The following CBLB variants were observed in gnomAD, a reference collection of about 807,000 sequenced individuals.
CBLB encodes the protein E3 ubiquitin-protein ligase CBL-B.
In CBLB, 31 loss-of-function variants were observed where a neutral mutation model predicts 104.9. The observed-to-expected ratio is 0.30, with a 90% CI of 0.22 to 0.40. The LOEUF (loss-of-function observed/expected upper bound fraction) is 0.40. Ranked by LOEUF, CBLB falls within the 10% of genes least tolerant of loss-of-function variation. The pLI is 1.00. For missense variants in CBLB, 1,062 were observed against 1,214.6 expected, an observed-to-expected ratio of 0.87 and a Z score of 1.87; for synonymous variants, 440 against 422.6, an observed-to-expected ratio of 1.04 and a Z score of -0.51.
intron 18 of CBLB, among the ~76,000 whole-genome samples, chr3:105,663,249 A>G (rs1376342688): frequency 6.6e-6 from 1 of 152,212 alleles, no homozygotes; most frequent in Non-Finnish European, 1.5e-5. Context: ...AGACTGAACT[A>G]AGGGAAGAAC....
intron 4 of CBLB, among the ~76,000 whole-genome samples, chr3:105,758,327 T>C (rs950573514): frequency 3.3e-5 from 5 of 152,222 alleles, no homozygotes; most frequent in African/African-American, 1.2e-4. Context: ...CTCTTCCTTA[T>C]ACATGAAAAT....
chr3:105,715,200 C>T (rs1366353539), intron 10 of CBLB, among the ~76,000 whole-genome samples: 4 of 152,120 alleles, frequency 2.6e-5, no homozygotes, highest in Admixed American at 1.3e-4. Context: ...GTGATCTTAC[C>T]AGTCACATCC....
At chr3:105,836,798 C>T (rs756098269) in intron 3 of CBLB, among the ~76,000 whole-genome samples, 5 of 151,982 alleles carry the variant, frequency 3.3e-5, no homozygotes, top group African/African-American at 4.8e-5. Flanking sequence ...GGGGGCGCAA[C>T]GATAATACAC....
In CBLB at chr3:105,658,911, T is replaced by C. The variant is rs866713269; in HGVS notation, c.*59A>G. ...TTGAATTCCATCTCAGTTCTCTTTATTTCCACACTCTTGGAATACATCGAT... is the reference window on the plus strand; with the variant it reads ...TTGAATTCCATCTCAGTTCTCTTTACTTCCACACTCTTGGAATACATCGAT... On this transcript the variant is annotated 3_prime_UTR_variant, in exon 19 of 19. Transcript: ENST00000394030. The C allele has an allele frequency of 1.9e-6, 3 of 1,576,812 alleles. No individual in the cohort carries two copies. The highest frequency in any genetic ancestry group is 2.0e-4 in the Middle Eastern group (1 of 4,958).
At chr3:105,858,405 G>C (rs540605381) in intron 2 of CBLB, among the ~76,000 whole-genome samples, 8 of 152,274 alleles carry the variant, frequency 5.3e-5, no homozygotes, top group African/African-American at 1.9e-4. Context: ...TCTAAAGGCA[G>C]TATATTAGAG....
chr3:105,755,544 T>C (rs969438972), intron 4 of CBLB, among the ~76,000 whole-genome samples: 31 of 150,626 alleles, frequency 2.1e-4, no homozygotes, highest in Non-Finnish European at 4.4e-4. Flanking sequence ...AAACCACTAG[T>C]TCATAAAAGG....
At chr3:105,817,367 T>G in intron 3 of CBLB, among the ~76,000 whole-genome samples, 1 of 152,062 alleles carries the variant, frequency 6.6e-6, no homozygotes, top group South Asian at 2.1e-4. Context: ...GAGGAGATTC[T>G]AGGACTTGGG....
chr3:105,692,773 C>T (rs6770103), intron 13 of CBLB, among the ~76,000 whole-genome samples: 150,730 of 151,260 alleles, frequency 1, 75,104 homozygotes, highest in East Asian at 1. Flanking sequence ...CAAAATATAC[C>T]GGAGGAAAGG....
At chr3:105,816,786 T>C (rs1365857967) in intron 3 of CBLB, among the ~76,000 whole-genome samples, 2 of 152,172 alleles carry the variant, frequency 1.3e-5, no homozygotes, top group African/African-American at 4.8e-5. Context: ...CACCAAAATA[T>C]GGGCCCAGCA....
At chr3:105,721,186 G>A (rs879797315) in intron 9 of CBLB, among the ~76,000 whole-genome samples, 1 of 152,132 alleles carries the variant, frequency 6.6e-6, no homozygotes, top group Non-Finnish European at 1.5e-5. Flanking sequence ...ATTACTTTAA[G>A]GGAGAAATGG....
chr3:105,777,644 A>G (rs2079642459), intron 3 of CBLB, among the ~76,000 whole-genome samples: 1 of 152,180 alleles, frequency 6.6e-6, no homozygotes, highest in African/African-American at 2.4e-5. Flanking sequence ...GAAAGAGAAA[A>G]GAAATAAATG....
intron 12 of CBLB, among the ~76,000 whole-genome samples, chr3:105,694,396 G>A (rs2068081293): frequency 6.6e-6 from 1 of 151,868 alleles, no homozygotes; most frequent in African/African-American, 2.4e-5. Context: ...AGAAAAAATT[G>A]AACACATTTT....
chr3:105,761,367 T>A (rs1378856083), intron 4 of CBLB, among the ~76,000 whole-genome samples: 1 of 152,224 alleles, frequency 6.6e-6, no homozygotes, highest in Admixed American at 6.5e-5. Context: ...ATGGTTTGGC[T>A]GTTTCCCCAC....
chr3:105,773,127 G>T (rs1000970052), intron 4 of CBLB, among the ~76,000 whole-genome samples: 1 of 152,150 alleles, frequency 6.6e-6, no homozygotes, highest in Non-Finnish European at 1.5e-5. Flanking sequence ...CAATGATATG[G>T]AACCAACCTA....
In CBLB at chr3:105,702,476, G is replaced by GAAAAAAAAAAAAGAA. The variant is rs2069320728; in HGVS notation, c.1594-18_1594-17insTTCTTTTTTTTTTTT. On this transcript the variant is annotated splice_polypyrimidine_tract_variant and intron_variant, in intron 11 of 18. Coordinates refer to ENST00000394030, the MANE Select transcript of CBLB (RefSeq NM_170662.5). ...AGGAGAAGACTAAAGAAACAGAAGA[G>GAAAAAAAAAAAAGAA]AAAAAAAAAAAAAAAAAAAAAAACT... 4.3e-6 allele frequency: 1 copy of GAAAAAAAAAAAAGAA among 234,370 alleles called. No homozygotes were observed. The highest frequency in any genetic ancestry group is 6.1e-6 in the Non-Finnish European group (1 of 163,138). 14.5% of individuals were successfully genotyped at this position (234,370 alleles called of 1,614,324 possible). A position where few individuals can be genotyped will look rare whatever the true frequency, so the allele number is the denominator to read the frequency against.
intron 4 of CBLB, among the ~76,000 whole-genome samples, chr3:105,767,512 T>G (rs1251471161): frequency 6.6e-6 from 1 of 151,694 alleles, no homozygotes; most frequent in Non-Finnish European, 1.5e-5. Context: ...CAATTCTACC[T>G]TCATCTCGGG....
chr3:105,720,681 G>A (rs2072682091), intron 9 of CBLB, among the ~76,000 whole-genome samples: 1 of 152,262 alleles, frequency 6.6e-6, no homozygotes, highest in South Asian at 2.1e-4. Context: ...TAGTATCGGT[G>A]AGAAAAATAC....
chr3:105,849,560 T>C (rs926565603), intron 3 of CBLB, among the ~76,000 whole-genome samples: 2 of 152,130 alleles, frequency 1.3e-5, no homozygotes, highest in Admixed American at 1.3e-4. Context: ...CCATGAAATG[T>C]TTCCACATAA....
At chr3:105,770,250 T>A (rs920971734) in intron 4 of CBLB, among the ~76,000 whole-genome samples, 1 of 152,114 alleles carries the variant, frequency 6.6e-6, no homozygotes, top group Non-Finnish European at 1.5e-5. Flanking sequence ...ATTGGGAGGC[T>A]ATAGCCTACT....
Sources: allele counts gnomAD v4.1 joint callset (sites outside exome capture counted in the v4.1 genomes callset), GRCh38; gene constraint gnomAD v4.1.1; transcripts MANE v1.5; gene names NCBI Gene and HGNC (gene_info 2026-07-23, HGNC 2026-07-21).